MARF1: variants seen among roughly 807,000 people sequenced by gnomAD.
The protein encoded by MARF1 is limkain-b1.
A neutral mutation model predicts 168.2 loss-of-function variants in MARF1; 24 were observed. The observed-to-expected ratio is 0.14, with a 90% CI of 0.10 to 0.20. The LOEUF (loss-of-function observed/expected upper bound fraction) is 0.20. MARF1 is among the 10% of genes least tolerant of loss of function. The probability of loss-of-function intolerance (pLI) is 1.00; values close to 1 mark genes in which losing one functional copy is unlikely to be tolerated. For missense variants in MARF1, 1,744 were observed against 2,143.6 expected, an observed-to-expected ratio of 0.81 and a Z score of 3.68; for synonymous variants, 868 against 822.4, an observed-to-expected ratio of 1.06 and a Z score of -0.95.
At chr16:15,628,230 C>T (rs1237949270) in intron 7 of MARF1, among the ~76,000 whole-genome samples, 1 of 152,042 alleles carries the variant, frequency 6.6e-6, no homozygotes, top group Non-Finnish European at 1.5e-5. Context: ...AGCCACAGAA[C>T]ACTGTATATG....
chr16:15,612,803 A>C, intron 16 of MARF1, 26 bp from the exon 17 acceptor site: 1 of 1,582,352 alleles, frequency 6.3e-7, no homozygotes, highest in South Asian at 1.1e-5. Context: ...CGTGTATAAG[A>C]CAGAAAGCAC....
At position 15,611,120 on chromosome 16, in the gene MARF1, C is replaced by G. The variant is rs1656458846; in HGVS notation, c.3618-12G>C. The G allele has an allele frequency of 6.2e-7, 1 of 1,612,778 alleles. No homozygotes were observed. Among genetic ancestry groups the G allele is most frequent in the African/African-American group, 1.3e-5 (1 of 74,852 alleles). On this transcript the variant is annotated splice_polypyrimidine_tract_variant and intron_variant, in intron 18 of 26. Coordinates refer to ENST00000396368, the MANE Select transcript of MARF1 (RefSeq NM_014647.4). Reference sequence around the variant, plus strand: ...CCTTTGAGAAACACCTAGGTTTTAACAACGGAAGTGGATACGGAATGAGTA... The same window carrying G: ...CCTTTGAGAAACACCTAGGTTTTAAGAACGGAAGTGGATACGGAATGAGTA...
Position 15,643,057 on chromosome 16 carries a change from G to A in MARF1, c.-98C>T, listed in dbSNP as rs2036154981. 3.8e-6 allele frequency: 1 copy of A among 262,442 alleles called. No homozygotes were observed. 16.3% of individuals were successfully genotyped at this position (262,442 alleles called of 1,614,324 possible). A position where few individuals can be genotyped will look rare whatever the true frequency, so the allele number is the denominator to read the frequency against. On this transcript the variant is annotated 5_prime_UTR_variant, in exon 1 of 27. Transcript: ENST00000396368. ...CCACCTCCGCTCACATTCCGGCCCC[G>A]CCGCCTTCCCCCCGCCCCCCCCAGG...
At chr16:15,634,127 T>C (rs1740258743) in intron 4 of MARF1, among the ~76,000 whole-genome samples, 1 of 152,138 alleles carries the variant, frequency 6.6e-6, no homozygotes, top group African/African-American at 2.4e-5. Context: ...CACTCTGACA[T>C]TAAGCAGTGA....
intron 25 of MARF1, among the ~76,000 whole-genome samples, chr16:15,599,638 A>G (rs1321882792): frequency 6.6e-6 from 1 of 152,202 alleles, no homozygotes; most frequent in Non-Finnish European, 1.5e-5. Context: ...CTCACCTATA[A>G]CGATGAATTC....
Position 15,617,401 on chromosome 16 carries a change from T to C in MARF1, c.2855A>G (p.Gln952Arg). Residue 952 changes from glutamine (Q) to arginine (R), a missense_variant, in exon 14 of 27, where the codon CAG (glutamine) becomes CGG (arginine). Coordinates refer to ENST00000396368, the MANE Select transcript of MARF1 (RefSeq NM_014647.4). ...ATTCGTGGAGGAGCCGTCGTGTGAC[T>C]GGGAAGACCCCAAGGGGCTCTGGCG... is the stretch of plus-strand genomic sequence containing the variant. Reference protein sequence around the residue: ...QARQSPLGSSQSHDGSSTNCS... With the variant: ...QARQSPLGSSRSHDGSSTNCS... 1 of 1,614,100 alleles carries C rather than the reference T, an allele frequency of 6.2e-7. No individual in the cohort carries two copies. Among genetic ancestry groups the C allele is most frequent in the South Asian group, 1.1e-5 (1 of 91,080 alleles).
intron 21 of MARF1, among the ~76,000 whole-genome samples, chr16:15,604,951 C>A (rs1229415030): frequency 6.6e-6 from 1 of 152,214 alleles, no homozygotes; most frequent in Non-Finnish European, 1.5e-5. Flanking sequence ...CTGGTATTTT[C>A]ATCTGACTAG....
intron 1 of MARF1, among the ~76,000 whole-genome samples, chr16:15,639,955 A>T (rs1421751751): frequency 6.6e-6 from 1 of 152,150 alleles, no homozygotes; most frequent in African/African-American, 2.4e-5. Context: ...TGTTTGAGAG[A>T]GGTAGCCATA....
chr16:15,634,639 C>A (rs1325760233), intron 4 of MARF1, 118 bp downstream of exon 4: 6 of 951,784 alleles, frequency 6.3e-6, no homozygotes, highest in South Asian at 5.7e-5. Flanking sequence ...ATTGGAGACT[C>A]ACATACACAG....
Position 15,612,538 on chromosome 16 carries a change from A to G in MARF1, c.3474+19T>C. The G allele has an allele frequency of 1.3e-6, 2 of 1,599,712 alleles. No individual in the cohort carries two copies. Among genetic ancestry groups the G allele is most frequent in the Non-Finnish European group, 1.7e-6 (2 of 1,166,928 alleles). On this transcript the variant is annotated intron_variant, in intron 17 of 26. Transcript: ENST00000396368. ...GAACATTCCTGCCTGTAAACAAGTA[A>G]TCCCGTGACACGCCTTACCTGCAAT...
intron 7 of MARF1, among the ~76,000 whole-genome samples, chr16:15,629,620 C>G (rs1035063626): frequency 1.3e-5 from 2 of 152,220 alleles, no homozygotes; most frequent in African/African-American, 4.8e-5. Flanking sequence ...TCCTGGATCA[C>G]CCACACCATG....
intron 15 of MARF1, among the ~76,000 whole-genome samples, chr16:15,616,610 A>G (rs2034065925): frequency 6.6e-6 from 1 of 152,146 alleles, no homozygotes. Flanking sequence ...CATGATGGGG[A>G]TATGTACTCA....
At chr16:15,623,294 T>TTTG (rs1181422511) in intron 10 of MARF1, 171 bp from the exon 11 acceptor site, 1 of 509,136 alleles carries the variant, frequency 2.0e-6, no homozygotes, top group Admixed American at 4.0e-5. Flanking sequence ...TTTTTTTTTT[T>TTTG]TTTGAGACAG....
chr16:15,619,234 G>A (rs1285401736), intron 13 of MARF1, among the ~76,000 whole-genome samples: 1 of 152,200 alleles, frequency 6.6e-6, no homozygotes, highest in Admixed American at 6.5e-5. Flanking sequence ...CTAGGGTCGT[G>A]CCCCTGCACT....
At chr16:15,625,245 G>A (rs1367881829) in intron 8 of MARF1, 72 bp from the exon 9 acceptor site, 45 of 1,570,810 alleles carry the variant, frequency 2.9e-5, no homozygotes, top group Middle Eastern at 1.8e-4. Context: ...TACAGAAAAC[G>A]ATTGACTTTG....
intron 22 of MARF1, 66 bp from the exon 23 acceptor site, chr16:15,602,269 G>T: frequency 7.5e-7 from 1 of 1,330,584 alleles, no homozygotes. Flanking sequence ...GAAAGTGAAG[G>T]CCTCCCACTG....
At position 15,617,317 on chromosome 16, in the gene MARF1, C is replaced by T. The variant is rs967242621; in HGVS notation, c.2939G>A (p.Cys980Tyr). ...EYHEPVCRQHCSNKDFSEHEF... is the reference protein window; with the variant it reads ...EYHEPVCRQHYSNKDFSEHEF... Reference sequence around the variant, plus strand: ...GGCACACCTGAAATCCTTATTGGAACAATGCTGTCTGCAGACAGGCTCGTG... The same window carrying T: ...GGCACACCTGAAATCCTTATTGGAATAATGCTGTCTGCAGACAGGCTCGTG... The change falls in exon 14 of 27, where the codon TGT (cysteine) becomes TAT (tyrosine). Residue 980 changes from cysteine (C) to tyrosine (Y), a missense_variant. Around this residue, in one of 7 missense-constraint regions of MARF1, gnomAD observed 543 missense variants for 742.1 expected, o/e 0.73. Coordinates refer to ENST00000396368, the MANE Select transcript of MARF1 (RefSeq NM_014647.4). The T allele has an allele frequency of 6.2e-7, 1 of 1,613,998 alleles. No individual in the cohort carries two copies. Among genetic ancestry groups the T allele is most frequent in the Admixed American group, 1.7e-5 (1 of 60,020 alleles).
At position 15,624,797 on chromosome 16, in the gene MARF1, G is replaced by A; in HGVS notation, c.2242C>T (p.Leu748=). 1.2e-6 allele frequency: 2 copies of A among 1,614,228 alleles called. No individual in the cohort carries two copies. The highest frequency in any genetic ancestry group is 1.7e-6 in the Non-Finnish European group (2 of 1,180,028). ...KLVASRQVSP[L]LASQSWSSRS... ...GAAGACCAAGACTGAGATGCGAGCA[G>A]AGGACTGACTTGCCTGGATGCAACT... The change falls in exon 10 of 27, where the codon CTG becomes TTG. Residue 748 remains leucine (L), a synonymous_variant. Transcript: ENST00000396368.
rs558681452 is a variant in MARF1, at chr16:15,602,521, G to A, written c.4414-318C>T. The A allele has an allele frequency of 4.2e-5, 20 of 475,324 alleles. 1 individual carries two copies. Among genetic ancestry groups the A allele is most frequent in the South Asian group, 1.8e-4 (9 of 50,516 alleles). 29.4% of individuals were successfully genotyped at this position (475,324 alleles called of 1,614,324 possible). A position where few individuals can be genotyped will look rare whatever the true frequency, so the allele number is the denominator to read the frequency against. On this transcript the variant is annotated intron_variant, in intron 22 of 26. Coordinates refer to ENST00000396368, the MANE Select transcript of MARF1 (RefSeq NM_014647.4). ...AGACGAAGACGACGATGAAGAAGAC[G>A]AAGACGACGATAAAGAAGACGAAGA...
Sources: allele counts gnomAD v4.1 joint callset (sites outside exome capture counted in the v4.1 genomes callset), GRCh38; gene constraint gnomAD v4.1.1; regional missense constraint gnomAD v4.1.1; transcripts MANE v1.5; gene names NCBI Gene and HGNC (gene_info 2026-07-23, HGNC 2026-07-21).